Variants in KLF13 observed in about 807,000 individuals in gnomAD.
KLF13 encodes the protein KLF transcription factor 13, also known as Krueppel-like factor 13.
Under a neutral mutation model 16.7 loss-of-function variants are expected in KLF13, and 8 were observed. The ratio of observed to expected loss-of-function variants is 0.48; its 90% CI spans 0.28 to 0.87. The LOEUF is 0.87. KLF13 is among the 40% of genes least tolerant of loss of function. The probability of loss-of-function intolerance (pLI) is 0.10; values close to 1 mark genes in which losing one functional copy is unlikely to be tolerated. For synonymous variants in KLF13, 245 were observed against 208.4 expected, an observed-to-expected ratio of 1.18 and a Z score of -1.51; for missense variants, 447 against 452.2, an observed-to-expected ratio of 0.99 and a Z score of 0.10.
chr15:31,360,287 C>T (rs746019092), intron 1 of KLF13, among the ~76,000 whole-genome samples: 3 of 152,124 alleles, frequency 2.0e-5, no homozygotes, highest in South Asian at 2.1e-4. Context: ...AGGCCTGTGC[C>T]GGGAAGAGGG....
At chr15:31,405,421 C>T (rs2040112884), downstream of KLF13, among the ~76,000 whole-genome samples, 1 of 152,256 alleles carries the variant, frequency 6.6e-6, no homozygotes, top group African/African-American at 2.4e-5. Flanking sequence ...AGGAAGAGGC[C>T]TTCACCAGTC....
chr15:31,386,265 A>C (rs1376122144), intron 1 of KLF13, among the ~76,000 whole-genome samples: 2 of 152,250 alleles, frequency 1.3e-5, no homozygotes, highest in East Asian at 3.8e-4. Context: ...TGGGAGACCA[A>C]GGCAGGAGGA....
rs1470676214 is a variant in KLF13 at position 31,352,572 on chromosome 15, G to A, written c.578-19438G>A. On this transcript the variant is annotated intron_variant, in intron 1 of 1. Transcript: ENST00000307145. Reference sequence around the variant, plus strand: ...TGGTGTGCCTCTGGCTCCTGGCCCTGTGCTGGCCCCGTGGAAGGGCCTGTC... The same window carrying A: ...TGGTGTGCCTCTGGCTCCTGGCCCTATGCTGGCCCCGTGGAAGGGCCTGTC... Among the ~76,000 whole-genome samples the A allele has an allele frequency of 3.9e-5, 6 of 152,316 alleles. No individual in the cohort carries two copies. In the Middle Eastern group the frequency reaches 0.017, roughly 432 times the overall value.
At chr15:31,417,838 G>T (rs1031482117) in intron 1 of KLF13, among the ~76,000 whole-genome samples, 2 of 152,112 alleles carry the variant, frequency 1.3e-5, no homozygotes, top group Non-Finnish European at 2.9e-5. Flanking sequence ...GAGCCACTGC[G>T]CCCGGCTTTC....
chr15:31,420,493 G>A lies in KLF13; in HGVS notation n.118-14877G>A, dbSNP rs368316807. 105 of 672,268 alleles carry A rather than the reference G, an allele frequency of 1.6e-4. 3 individuals carry two copies. The highest frequency in any genetic ancestry group is 5.6e-4 in the Admixed American group (30 of 53,864). 41.6% of individuals were successfully genotyped at this position (672,268 alleles called of 1,614,324 possible). ...GCCTGGATATCTGGAAAGACAAGTC[G>A]TCTGTACTGTATGGCATCAGGACCA... On this transcript the variant is annotated intron_variant and non_coding_transcript_variant, in intron 1 of 1. Coordinates refer to the KLF13 transcript ENST00000558225.
upstream of KLF13, among the ~76,000 whole-genome samples, chr15:31,391,720 GGGGGCTGTGT>G (rs894805053): frequency 7.9e-5 from 12 of 151,698 alleles, no homozygotes; most frequent in Admixed American, 2.6e-4. Flanking sequence ...GGGGGCTGTG[GGGGGCTGTGT>G]GGGGCTGTGT....
chr15:31,367,674 G>C (rs1472979761), intron 1 of KLF13, among the ~76,000 whole-genome samples: 2 of 152,212 alleles, frequency 1.3e-5, no homozygotes, highest in African/African-American at 4.8e-5. Context: ...CACACCAACA[G>C]GCCCAAATCA....
intron 1 of KLF13, among the ~76,000 whole-genome samples, chr15:31,433,510 C>G (rs895034446): frequency 1.3e-5 from 2 of 152,206 alleles, no homozygotes; most frequent in African/African-American, 2.4e-5. Context: ...GGGTCCCCCC[C>G]TTCCCCAGTC....
At chr15:31,406,015 A>G (rs1048234868), downstream of KLF13, among the ~76,000 whole-genome samples, 19 of 152,360 alleles carry the variant, frequency 1.2e-4, no homozygotes, top group African/African-American at 4.6e-4. Context: ...CAAATCAGGG[A>G]ATCAAAAAAG....
chr15:31,356,493 A>G (rs1255120591), intron 1 of KLF13, among the ~76,000 whole-genome samples: 2 of 152,262 alleles, frequency 1.3e-5, no homozygotes, highest in African/African-American at 4.8e-5. Flanking sequence ...CAGAGGTTTC[A>G]ATGAGCCAAG....
chr15:31,409,868 A>G (rs1438143492), intron 1 of KLF13, among the ~76,000 whole-genome samples: 1 of 152,224 alleles, frequency 6.6e-6, no homozygotes, highest in Non-Finnish European at 1.5e-5. Flanking sequence ...GCAATATAAG[A>G]AATGTTAAAG....
chr15:31,336,069 A>G (rs913653265), intron 1 of KLF13, among the ~76,000 whole-genome samples: 5 of 152,198 alleles, frequency 3.3e-5, no homozygotes, highest in African/African-American at 1.2e-4. Flanking sequence ...CAGAGGAGCC[A>G]CGAGCTTCTC....
At chr15:31,387,711 G>A (rs1338167962) in intron 1 of KLF13, among the ~76,000 whole-genome samples, 1 of 152,226 alleles carries the variant, frequency 6.6e-6, no homozygotes, top group South Asian at 2.1e-4. Context: ...CTGTGACATG[G>A]TTCACAGATG....
At chr15:31,330,323 A>G (rs538776227) in intron 1 of KLF13, among the ~76,000 whole-genome samples, 1 of 152,284 alleles carries the variant, frequency 6.6e-6, no homozygotes, top group African/African-American at 2.4e-5. Context: ...GTACTCCATT[A>G]GGCTCGGGAA....
At chr15:31,328,219 C>T (rs1028325404) in intron 1 of KLF13, among the ~76,000 whole-genome samples, 6 of 150,262 alleles carry the variant, frequency 4.0e-5, no homozygotes, top group Non-Finnish European at 8.9e-5. Flanking sequence ...CTCCTCGTTT[C>T]CTCCCCCGCT....
intron 1 of KLF13, among the ~76,000 whole-genome samples, chr15:31,363,404 T>C (rs2039418424): frequency 6.6e-6 from 1 of 152,232 alleles, no homozygotes; most frequent in East Asian, 1.9e-4. Flanking sequence ...ATTTTTTCTC[T>C]CAGTTTTGTC....
At chr15:31,362,111 G>C (rs1040068789) in intron 1 of KLF13, among the ~76,000 whole-genome samples, 1 of 152,174 alleles carries the variant, frequency 6.6e-6, no homozygotes, top group African/African-American at 2.4e-5. Flanking sequence ...TCACAAAGTG[G>C]TCTTATGGCA....
At chr15:31,336,057 C>T (rs1308560694) in intron 1 of KLF13, among the ~76,000 whole-genome samples, 1 of 152,216 alleles carries the variant, frequency 6.6e-6, no homozygotes, top group Non-Finnish European at 1.5e-5. Context: ...ATGACGTGGG[C>T]TCAGAGGAGC....
At chr15:31,365,477 C>T (rs1015266058) in intron 1 of KLF13, among the ~76,000 whole-genome samples, 4 of 152,176 alleles carry the variant, frequency 2.6e-5, no homozygotes, top group Non-Finnish European at 4.4e-5. Flanking sequence ...TTGCGGCAGA[C>T]GCTGCTCTGG....
Sources: allele counts gnomAD v4.1 joint callset (sites outside exome capture counted in the v4.1 genomes callset), GRCh38; gene constraint gnomAD v4.1.1; transcripts MANE v1.5; gene names NCBI Gene and HGNC (gene_info 2026-07-23, HGNC 2026-07-21).